Variants in SPTSSA observed in about 807,000 individuals in gnomAD.
The protein encoded by SPTSSA is small subunit of serine palmitoyltransferase A.
Under a neutral mutation model 9.1 loss-of-function variants are expected in SPTSSA, and 8 were observed. The ratio of observed to expected loss-of-function variants is 0.88; its 90% CI spans 0.51 to 1.58. The LOEUF (loss-of-function observed/expected upper bound fraction) is 1.58. SPTSSA is among the 40% of genes most tolerant of loss of function. The probability of loss-of-function intolerance (pLI) is 0.00; values close to 1 mark genes in which losing one functional copy is unlikely to be tolerated. For synonymous variants in SPTSSA, 42 were observed against 37.7 expected (o/e 1.11, Z -0.41); for missense variants, 100 against 93.8 (o/e 1.07, Z -0.27).
intron 1 of SPTSSA, among the ~76,000 whole-genome samples, chr14:34,459,446 G>C (rs746089434): frequency 7.1e-6 from 1 of 140,406 alleles, no homozygotes; most frequent in Non-Finnish European, 1.5e-5. Context: ...GCAACAGAGC[G>C]AGACACCGTC....
chr14:34,436,901 C>T (rs1883249884), intron 1 of SPTSSA, among the ~76,000 whole-genome samples: 2 of 151,448 alleles, frequency 1.3e-5, no homozygotes, highest in South Asian at 2.1e-4. Flanking sequence ...TCCAGTTATT[C>T]CTTAAACTGC....
intron 1 of SPTSSA, 114 bp downstream of exon 1, chr14:34,461,982 G>C (rs1458498531): frequency 1.7e-6 from 1 of 600,760 alleles, no homozygotes; most frequent in African/African-American, 2.2e-5. Context: ...TCCGCGCACA[G>C]GACCGGCGGG....
chr14:34,452,200 C>T (rs895986279), intron 1 of SPTSSA, among the ~76,000 whole-genome samples: 2 of 148,400 alleles, frequency 1.3e-5, no homozygotes, highest in Admixed American at 6.8e-5. Flanking sequence ...GAGCCAAGAT[C>T]GCGCCACTGC....
Position 34,433,719 on chromosome 14 carries a change from T to A in SPTSSA, c.*1482A>T, listed in dbSNP as rs890921926. Reference sequence around the variant, plus strand: ...TGGCTCACGCCTGTAAACCCAGCACTTTGGGAGGCCGAGGCAGGTGGATCA... The same window carrying A: ...TGGCTCACGCCTGTAAACCCAGCACATTGGGAGGCCGAGGCAGGTGGATCA... On this transcript the variant is annotated 3_prime_UTR_variant, in exon 2 of 2. Transcript: ENST00000298130. 3 of 152,092 alleles carry A rather than the reference T, an allele frequency of 2.0e-5. No homozygotes were observed. The highest frequency in any genetic ancestry group is 4.4e-5 in the Non-Finnish European group (3 of 68,070). The allele number at this position is 152,092 out of a possible 1,614,324, so 9.4% of individuals were successfully genotyped here.
chr14:34,447,026 C>T (rs544112602), intron 1 of SPTSSA, among the ~76,000 whole-genome samples: 2 of 152,050 alleles, frequency 1.3e-5, no homozygotes, highest in South Asian at 4.1e-4. Context: ...GAGTTCGAGA[C>T]CAGCCTGGCC....
intron 1 of SPTSSA, among the ~76,000 whole-genome samples, chr14:34,460,515 CAG>C (rs1337794645): frequency 1.3e-5 from 2 of 152,094 alleles, no homozygotes; most frequent in Non-Finnish European, 2.9e-5. Flanking sequence ...TGCAACATAA[CAG>C]AAAAATCTTA....
intron 1 of SPTSSA, among the ~76,000 whole-genome samples, chr14:34,442,512 C>G (rs1422138200): frequency 6.6e-6 from 1 of 152,218 alleles, no homozygotes; most frequent in Non-Finnish European, 1.5e-5. Context: ...GTCCTGCAGA[C>G]CTCAACCTGC....
chr14:34,460,763 G>C (rs1318174049), intron 1 of SPTSSA, among the ~76,000 whole-genome samples: 1 of 152,166 alleles, frequency 6.6e-6, no homozygotes, highest in Non-Finnish European at 1.5e-5. Flanking sequence ...TACAAGGCAT[G>C]ACCTTGCGAG....
At position 34,451,519 on chromosome 14, in the gene SPTSSA, C is replaced by G. The variant is rs370473732; in HGVS notation, c.112+10577G>C. 7.2e-5 allele frequency among the ~76,000 whole-genome samples: 11 copies of G among 151,968 alleles called. No individual in the cohort carries two copies. The South Asian group carries it at 1.2e-3, about 17-fold the overall frequency. On this transcript the variant is annotated intron_variant, in intron 1 of 1. Transcript: ENST00000298130. ...TGGGCAGATCACGAGGTCAGGAGAT[C>G]GAGACCGTCCTGGCTAACACGGTGA... is the stretch of plus-strand genomic sequence containing the variant.
chr14:34,445,499 T>C (rs2138824294), intron 1 of SPTSSA, among the ~76,000 whole-genome samples: 1 of 152,088 alleles, frequency 6.6e-6, no homozygotes, highest in Non-Finnish European at 1.5e-5. Context: ...AGACTCTGTC[T>C]CAAAAAAATA....
rs1883212117 is a variant in SPTSSA, at chr14:34,434,730, A to T, written c.*471T>A. On this transcript the variant is annotated 3_prime_UTR_variant, in exon 2 of 2. Transcript: ENST00000298130. The stretch of plus-strand genomic sequence containing the variant: ...TCAATAAAATATCTTCCCTCCCCAT[A>T]CCCCTACCCGAAATCTTATATTGTT... 1 of 152,618 alleles carries T rather than the reference A, an allele frequency of 6.6e-6. No homozygotes were observed. The highest frequency in any genetic ancestry group is 1.5e-5 in the Non-Finnish European group (1 of 68,126). The allele number at this position is 152,618 out of a possible 1,614,324, so 9.5% of individuals were successfully genotyped here. A position where few individuals can be genotyped will look rare whatever the true frequency, so the allele number is the denominator to read the frequency against.
intron 1 of SPTSSA, among the ~76,000 whole-genome samples, chr14:34,444,283 G>A (rs1418333818): frequency 6.7e-6 from 1 of 148,858 alleles, no homozygotes; most frequent in Non-Finnish European, 1.5e-5. Context: ...TATTAGGTTT[G>A]CTAAATGCTT....
intron 1 of SPTSSA, among the ~76,000 whole-genome samples, chr14:34,444,011 G>A (rs549273531): frequency 9.2e-5 from 14 of 152,294 alleles, no homozygotes; most frequent in African/African-American, 3.1e-4. Flanking sequence ...AACCTGGCAT[G>A]CCAGCAAAAG....
intron 1 of SPTSSA, among the ~76,000 whole-genome samples, chr14:34,439,437 A>G (rs1298953251): frequency 6.6e-6 from 1 of 152,066 alleles, no homozygotes; most frequent in African/African-American, 2.4e-5. Context: ...CAGGAGTTTG[A>G]GACTAGTCTG....
chr14:34,446,091 A>C (rs1431364087), intron 1 of SPTSSA, among the ~76,000 whole-genome samples: 1 of 152,208 alleles, frequency 6.6e-6, no homozygotes, highest in Non-Finnish European at 1.5e-5. Flanking sequence ...ACTACAGTGT[A>C]TTTTCACCAG....
At chr14:34,459,132 C>T (rs1383943127) in intron 1 of SPTSSA, among the ~76,000 whole-genome samples, 1 of 152,040 alleles carries the variant, frequency 6.6e-6, no homozygotes, top group Non-Finnish European at 1.5e-5. Context: ...CATCTATCCT[C>T]TTTAAGAAAT....
intron 1 of SPTSSA, among the ~76,000 whole-genome samples, chr14:34,452,214 C>G (rs1157721095): frequency 2.7e-5 from 4 of 148,786 alleles, no homozygotes; most frequent in Non-Finnish European, 1.5e-5. Flanking sequence ...CCACTGCACT[C>G]CAGCCTGAGC....
At chr14:34,444,469 T>TCAGGC (rs1883385265) in intron 1 of SPTSSA, among the ~76,000 whole-genome samples, 1 of 152,012 alleles carries the variant, frequency 6.6e-6, no homozygotes, top group Non-Finnish European at 1.5e-5. Flanking sequence ...CTGCTAAGAG[T>TCAGGC]CAGGCCAGGC....
intron 1 of SPTSSA, among the ~76,000 whole-genome samples, chr14:34,446,887 G>C (rs940026022): frequency 2.6e-5 from 4 of 152,090 alleles, no homozygotes; most frequent in Admixed American, 6.5e-5. Context: ...GAAATACATA[G>C]AATGCAGGTT....
Sources: allele counts gnomAD v4.1 joint callset (sites outside exome capture counted in the v4.1 genomes callset), GRCh38; gene constraint gnomAD v4.1.1; transcripts MANE v1.5; gene names NCBI Gene and HGNC (gene_info 2026-07-23, HGNC 2026-07-21).